Variants in KIAA0753 observed in about 807,000 individuals in gnomAD.
The protein encoded by KIAA0753 is protein moonraker.
In KIAA0753, 114 loss-of-function variants were observed where a neutral mutation model predicts 116.9. The ratio of observed to expected loss-of-function variants is 0.98; its 90% CI spans 0.84 to 1.14. The LOEUF (loss-of-function observed/expected upper bound fraction) is 1.14. Ranked by LOEUF, KIAA0753 falls within the 50% of genes most tolerant of loss-of-function variation. The pLI is 0.00. For missense variants in KIAA0753, 1,156 were observed against 1,172.4 expected (o/e 0.99, Z 0.20); for synonymous variants, 405 against 413.1 (o/e 0.98, Z 0.24).
At chr17:6,618,109 A>AG (rs1030330403) in intron 7 of KIAA0753, among the ~76,000 whole-genome samples, 4 of 152,078 alleles carry the variant, frequency 2.6e-5, no homozygotes, top group African/African-American at 9.7e-5. Flanking sequence ...TCTCAAAAAA[A>AG]GAAAAAAAGA....
At chr17:6,623,807 A>C (rs538212720) in intron 4 of KIAA0753, 1 of 403,108 alleles carries the variant, frequency 2.5e-6, no homozygotes, top group Middle Eastern at 7.0e-4. Flanking sequence ...GTGTAATAGG[A>C]ATTTAGCATG....
At chr17:6,600,526 G>C in intron 12 of KIAA0753, 68 bp from the exon 13 acceptor site, 1 of 1,212,316 alleles carries the variant, frequency 8.2e-7, no homozygotes, top group Non-Finnish European at 1.2e-6. Context: ...ATATTTATTT[G>C]CCACTCCAGG....
At position 6,622,895 on chromosome 17, in the gene KIAA0753, A is replaced by T. The variant is rs1259880358; in HGVS notation, c.1091T>A (p.Leu364Gln). ...PSVPDVVIDI[L>Q]QQIEALESLL... ...TTAATTCCATACCTCAATTTGTTGC[A>T]GAATATCTATAACCACATCAGGAAC... The change falls in exon 6 of 19, where the codon CTG (leucine) becomes CAG (glutamine). Residue 364 changes from leucine to glutamine, a missense_variant. Leu to Gln is a moderately radical substitution (Grantham distance 113, BLOSUM62 -2). Transcript: ENST00000361413. 1 of 1,611,710 alleles carries T rather than the reference A, an allele frequency of 6.2e-7. No homozygotes were observed. The highest frequency in any genetic ancestry group is 8.5e-7 in the Non-Finnish European group (1 of 1,177,938).
chr17:6,612,079 G>T lies in KIAA0753; in HGVS notation c.1385C>A (p.Ala462Glu). 6.2e-7 allele frequency: 1 copy of T among 1,614,082 alleles called. No individual in the cohort carries two copies. The highest frequency in any genetic ancestry group is 8.5e-7 in the Non-Finnish European group (1 of 1,179,966). Residue 462 changes from alanine to glutamate, a missense_variant, in exon 8 of 19, where the codon GCG becomes GAG. Transcript: ENST00000361413. Reference protein sequence around the residue: ...RLQSELDVLDADIVLEEGPFI... With the variant: ...RLQSELDVLDEDIVLEEGPFI... ...TGGTCCTTCTTCCAGAACTATATCC[G>T]CATCTAATACATCAAGCTCACTCTG...
At chr17:6,604,089 C>T (rs760269678) in intron 12 of KIAA0753, among the ~76,000 whole-genome samples, 3 of 152,140 alleles carry the variant, frequency 2.0e-5, no homozygotes, top group African/African-American at 7.2e-5. Context: ...TGGAACAAAG[C>T]GAAACAAAAC....
chr17:6,636,498 CTACACACACACA>C (rs1482822291), intron 1 of KIAA0753: 2 of 152,164 alleles, frequency 1.3e-5, no homozygotes, highest in Admixed American at 1.3e-4. Flanking sequence ...TCAAGTGATG[CTACACACACACA>C]TACACACACA....
In KIAA0753 at chr17:6,610,142, T is replaced by C. The variant is rs1970437083; in HGVS notation, c.1564A>G (p.Arg522Gly). 6.2e-7 allele frequency: 1 copy of C among 1,614,060 alleles called. No individual in the cohort carries two copies. Among genetic ancestry groups the C allele is most frequent in the Non-Finnish European group, 8.5e-7 (1 of 1,180,020 alleles). The part of the protein sequence containing the change: ...ARQQGLRKAE[R>G]GRQSQPHSKS... ...CTGTGAGGTTGGCTTTGTCTACCTC[T>C]TTCAGCTTTGCGGAGTCCCTGTGAG... The change falls in exon 9 of 19, where the codon AGA becomes GGA. Residue 522 changes from arginine (R) to glycine (G), a missense_variant. Physicochemically the swap from Arg to Gly is moderately radical, Grantham distance 125. Coordinates refer to ENST00000361413, the MANE Select transcript of KIAA0753 (RefSeq NM_014804.3).
chr17:6,597,991 A>G (rs1316100680), intron 14 of KIAA0753, among the ~76,000 whole-genome samples: 2 of 152,260 alleles, frequency 1.3e-5, no homozygotes, highest in Non-Finnish European at 1.5e-5. Context: ...CTGCTATTTA[A>G]CAACAGCCCA....
intron 18 of KIAA0753, among the ~76,000 whole-genome samples, chr17:6,582,233 A>C (rs117738113): frequency 6.6e-6 from 1 of 152,254 alleles, no homozygotes; most frequent in South Asian, 2.1e-4. Flanking sequence ...CCTACAAACT[A>C]GAATCCAGTT....
chr17:6,592,802 T>C (rs1322604971), intron 16 of KIAA0753, among the ~76,000 whole-genome samples: 2 of 152,138 alleles, frequency 1.3e-5, no homozygotes, highest in Non-Finnish European at 2.9e-5. Flanking sequence ...CAAGAAAGAA[T>C]TGATGTTAGA....
intron 17 of KIAA0753, 102 bp downstream of exon 17, chr17:6,590,408 G>A: frequency 1.4e-6 from 2 of 1,409,438 alleles, no homozygotes; most frequent in East Asian, 2.3e-5. Context: ...TTGCTCAAAG[G>A]AAGAATTTCT....
In KIAA0753 at chr17:6,590,055, C is replaced by A. The variant is rs553206865; in HGVS notation, c.2562-52G>T. The A allele has an allele frequency of 8.0e-5, 108 of 1,346,392 alleles. No homozygotes were observed. The East Asian group carries it at 2.3e-3, about 29-fold the overall frequency. 83.4% of individuals were successfully genotyped at this position (1,346,392 alleles called of 1,614,324 possible). A position where few individuals can be genotyped will look rare whatever the true frequency, so the allele number is the denominator to read the frequency against. On this transcript the variant is annotated intron_variant, in intron 17 of 18. Transcript: ENST00000361413. ...CATTCAAGATCATCTGTAAGCAAGA[C>A]TAAACTGTTAATTTACCCTCATGGT...
At chr17:6,615,749 C>A (rs924453377) in intron 7 of KIAA0753, among the ~76,000 whole-genome samples, 1 of 151,366 alleles carries the variant, frequency 6.6e-6, no homozygotes, top group African/African-American at 2.4e-5. Flanking sequence ...CATAAAACAG[C>A]ATGTTTCAGG....
chr17:6,608,716 C>T (rs1970347111), intron 9 of KIAA0753, among the ~76,000 whole-genome samples: 1 of 152,186 alleles, frequency 6.6e-6, no homozygotes. Context: ...TGATCAATTA[C>T]AGAATATTGG....
At chr17:6,582,640 G>C (rs1165563333) in intron 18 of KIAA0753, among the ~76,000 whole-genome samples, 1 of 151,948 alleles carries the variant, frequency 6.6e-6, no homozygotes, top group Non-Finnish European at 1.5e-5. Context: ...AAAATAATAG[G>C]CATTTTCTAT....
Position 6,628,651 on chromosome 17 carries a change from GT to G in KIAA0753, c.183del (p.Lys61AsnfsTer2), listed in dbSNP as rs1188542999. On this transcript the variant is annotated frameshift_variant, in exon 3 of 19. Transcript: ENST00000361413. LOFTEE classifies it high-confidence loss of function. Reference sequence around the variant, plus strand: ...TATGATTCATTGTATGAGTGCTTCAGTTTTTCAATTCTAATGGCATGTGGGC... The same window carrying G: ...TATGATTCATTGTATGAGTGCTTCAGTTTTCAATTCTAATGGCATGTGGGC... Reference protein sequence around the residue: ...YSCPHAIRIEKLKHSYNESYH... With the variant: ...YSCPHAIRIEXLKHSYNESYH... 1 of 1,613,978 alleles carries G rather than the reference GT, an allele frequency of 6.2e-7. No homozygotes were observed. Among genetic ancestry groups the G allele is most frequent in the African/African-American group, 1.3e-5 (1 of 74,884 alleles).
intron 13 of KIAA0753, 61 bp from the exon 14 acceptor site, chr17:6,599,381 A>G: frequency 9.2e-7 from 1 of 1,091,694 alleles, no homozygotes; most frequent in Non-Finnish European, 1.4e-6. Flanking sequence ...ATTAGTACAA[A>G]TGAATTCTAT....
In KIAA0753 at chr17:6,623,520, G is replaced by A. The variant is rs191302440; in HGVS notation, c.877C>T (p.His293Tyr). The A allele has an allele frequency of 6.2e-7, 1 of 1,605,088 alleles. No homozygotes were observed. The highest frequency in any genetic ancestry group is 1.3e-5 in the African/African-American group (1 of 74,732). Reference protein sequence around the residue: ...LDKLSPHKIKHTKKSWAMSKL... With the variant: ...LDKLSPHKIKYTKKSWAMSKL... The stretch of plus-strand genomic sequence containing the variant: ...TAATTGCAGCATACCTTCTTAGTGT[G>A]TTTAATTTTATGTGGACTCAATTTA... Residue 293 changes from histidine (H) to tyrosine (Y), a missense_variant, in exon 5 of 19, where the codon CAC becomes TAC. By Grantham distance (83) the His-to-Tyr change is moderately conservative. Transcript: ENST00000361413.
chr17:6,620,421 C>CATAT (rs141663097), intron 7 of KIAA0753, among the ~76,000 whole-genome samples: 45,492 of 147,994 alleles, frequency 0.31, 7,527 homozygotes, highest in Admixed American at 0.39. Flanking sequence ...AAAAAAAATA[C>CATAT]ATATATATAT....
Sources: allele counts gnomAD v4.1 joint callset (sites outside exome capture counted in the v4.1 genomes callset), GRCh38; gene constraint gnomAD v4.1.1; transcripts MANE v1.5; gene names NCBI Gene and HGNC (gene_info 2026-07-23, HGNC 2026-07-21).